TTC3: variants seen among roughly 807,000 people sequenced by gnomAD.
TTC3 encodes E3 ubiquitin-protein ligase TTC3.
A neutral mutation model predicts 249.6 loss-of-function variants in TTC3; 180 were observed. The observed-to-expected ratio is 0.72, with a 90% CI of 0.64 to 0.82. The LOEUF (loss-of-function observed/expected upper bound fraction) is 0.82. Among genes scored for constraint, TTC3 ranks in the 40% least tolerant of loss-of-function variants. TTC3 has a pLI of 0.00. For missense variants in TTC3, 2,061 were observed against 2,398.4 expected (o/e 0.86, Z 2.94); for synonymous variants, 717 against 805.0 (o/e 0.89, Z 1.85).
intron 35 of TTC3, among the ~76,000 whole-genome samples, chr21:37,175,328 C>A (rs2148122146): frequency 6.8e-6 from 1 of 146,448 alleles, no homozygotes; most frequent in African/African-American, 2.5e-5. Context: ...TGGCTTACAC[C>A]TGTAATCCTT....
chr21:37,129,738 C>A (rs1268588392), intron 16 of TTC3, among the ~76,000 whole-genome samples: 1 of 152,130 alleles, frequency 6.6e-6, no homozygotes, highest in Non-Finnish European at 1.5e-5. Flanking sequence ...TCTAGTGATT[C>A]TTTTTGCCTC....
chr21:37,151,805 C>T (rs2079493890), intron 25 of TTC3, 88 bp from the exon 26 acceptor site: 1 of 1,400,708 alleles, frequency 7.1e-7, no homozygotes, highest in Non-Finnish European at 9.4e-7. Flanking sequence ...AAAAGGAAAA[C>T]TTCTAATATA....
intron 10 of TTC3, among the ~76,000 whole-genome samples, chr21:37,097,085 TTTCTC>T (rs1020018898): frequency 2.0e-5 from 3 of 152,190 alleles, no homozygotes; most frequent in Non-Finnish European, 2.9e-5. Context: ...ATTTTCATCT[TTTCTC>T]TGTTTATCCT....
Position 37,185,790 on chromosome 21 carries a change from A to G in TTC3, c.4826+16A>G. 5 of 1,477,320 alleles carry G rather than the reference A, an allele frequency of 3.4e-6. No homozygotes were observed. The highest frequency in any genetic ancestry group is 4.5e-6 in the Non-Finnish European group (5 of 1,104,984). 91.5% of individuals were successfully genotyped at this position (1,477,320 alleles called of 1,614,324 possible). A position where few individuals can be genotyped will look rare whatever the true frequency, so the allele number is the denominator to read the frequency against. ...TTGAAATCAGGCAAATTAAGCTTAAATTTATTTTTAATATATTTTAATACT... is the reference window on the plus strand; with the variant it reads ...TTGAAATCAGGCAAATTAAGCTTAAGTTTATTTTTAATATATTTTAATACT... On this transcript the variant is annotated intron_variant, in intron 37 of 45. Transcript: ENST00000355666.
intron 2 of TTC3, 78 bp from the exon 3 acceptor site, chr21:37,087,755 G>T: frequency 8.6e-7 from 1 of 1,157,578 alleles, no homozygotes; most frequent in Non-Finnish European, 1.3e-6. Flanking sequence ...AAGTTCTTTG[G>T]TTAGTTCTGA....
chr21:37,188,783 A>G (rs1244441398), intron 39 of TTC3, 188 bp downstream of exon 39: 15 of 424,966 alleles, frequency 3.5e-5, no homozygotes, highest in Non-Finnish European at 5.9e-5. Context: ...TTCTAAATGG[A>G]TAGATAACAT....
At chr21:37,186,284 T>TC (rs142128120) in intron 37 of TTC3, among the ~76,000 whole-genome samples, 3,182 of 152,350 alleles carry the variant, frequency 0.021, 105 homozygotes, top group African/African-American at 0.073. Context: ...ATTCTGCTTT[T>TC]CTCACTATTG....
At chr21:37,119,615 T>C (rs551820158) in intron 11 of TTC3, among the ~76,000 whole-genome samples, 2 of 152,314 alleles carry the variant, frequency 1.3e-5, no homozygotes, top group South Asian at 4.1e-4. Flanking sequence ...TGCCAGTCTC[T>C]GCCTAGGTTT....
At chr21:37,155,782 G>A (rs535655362) in intron 27 of TTC3, among the ~76,000 whole-genome samples, 1 of 152,152 alleles carries the variant, frequency 6.6e-6, no homozygotes, top group Non-Finnish European at 1.5e-5. Flanking sequence ...TTTGGAGAGT[G>A]GAGAATAAAA....
intron 27 of TTC3, among the ~76,000 whole-genome samples, chr21:37,155,074 T>C (rs1182778450): frequency 6.6e-6 from 1 of 152,250 alleles, no homozygotes; most frequent in East Asian, 1.9e-4. Context: ...GTAGCAATTT[T>C]TATTTAAAGT....
chr21:37,082,514 C>T, intron 1 of TTC3: 1 of 985,326 alleles, frequency 1.0e-6, no homozygotes. Context: ...GTTTAGCTGG[C>T]ATCACTTTTG....
At chr21:37,174,983 C>T (rs147686615) in intron 35 of TTC3, among the ~76,000 whole-genome samples, 121 of 151,966 alleles carry the variant, frequency 8.0e-4, no homozygotes, top group African/African-American at 2.5e-3. Flanking sequence ...TGGCCAGGCG[C>T]GGTGGCTCAC....
chr21:37,152,956 G>A, exon 27 of TTC3: 1 of 1,585,782 alleles, frequency 6.3e-7, no homozygotes, highest in Non-Finnish European at 8.6e-7. Context: ...CTTAGAAACT[G>A]TAGACAATGT....
At chr21:37,113,239 A>C (rs2075832176) in intron 11 of TTC3, among the ~76,000 whole-genome samples, 1 of 152,220 alleles carries the variant, frequency 6.6e-6, no homozygotes, top group Non-Finnish European at 1.5e-5. Flanking sequence ...GGAAAAGAGG[A>C]AGTCAAATTG....
intron 1 of TTC3, among the ~76,000 whole-genome samples, chr21:37,074,627 T>G (rs542432069): frequency 6.6e-6 from 1 of 151,772 alleles, no homozygotes; most frequent in African/African-American, 2.4e-5. Flanking sequence ...GAGAGCCTTT[T>G]CCTTATAACT....
intron 10 of TTC3, chr21:37,101,479 CT>C (rs1299420507): frequency 6.6e-6 from 1 of 151,554 alleles, no homozygotes; most frequent in Non-Finnish European, 1.5e-5. Context: ...AAAACATTTA[CT>C]TTTTTCAGTC....
rs2835632 is a variant in TTC3 at position 37,151,926 on chromosome 21, A to G, written c.2310A>G (p.Lys770=). The G allele has an allele frequency of 0.021, 33,358 of 1,604,160 alleles. 2,964 individuals carry two copies. The African/African-American group carries it at 0.23, about 11-fold the overall frequency. ...AACTAAGACTGAAAGAAGACAAAAA[A>G]TTGAAGAGAAAGATCCAAAAAAAAG... The change falls in exon 26 of 46, where the codon AAA becomes AAG. Residue 770 remains lysine, a synonymous_variant. Transcript: ENST00000355666.
chr21:37,193,365 G>GA (rs5843814), intron 41 of TTC3, among the ~76,000 whole-genome samples: 91,859 of 149,550 alleles, frequency 0.61, 28,617 homozygotes, highest in East Asian at 0.93. Flanking sequence ...GAATTCATCT[G>GA]AAAAAAAAAA....
intron 44 of TTC3, among the ~76,000 whole-genome samples, chr21:37,199,930 A>C (rs961834828): frequency 6.6e-6 from 1 of 152,252 alleles, no homozygotes; most frequent in Non-Finnish European, 1.5e-5. Context: ...ACACCATGCC[A>C]TGTGATTATC....
Sources: allele counts gnomAD v4.1 joint callset (sites outside exome capture counted in the v4.1 genomes callset), GRCh38; gene constraint gnomAD v4.1.1; transcripts MANE v1.5; gene names NCBI Gene and HGNC (gene_info 2026-07-23, HGNC 2026-07-21).